Variants in ASXL3 observed in about 807,000 individuals in gnomAD.
The protein encoded by ASXL3 is putative Polycomb group protein ASXL3.
Under a neutral mutation model 170.6 loss-of-function variants are expected in ASXL3, and 34 were observed. That is an observed-to-expected ratio of 0.20 (90% CI 0.15 to 0.27). The LOEUF is 0.27. Ranked by LOEUF, ASXL3 falls within the 10% of genes least tolerant of loss-of-function variation. The probability of loss-of-function intolerance (pLI) is 1.00; values close to 1 mark genes in which losing one functional copy is unlikely to be tolerated. For missense variants in ASXL3, 2,592 were observed against 2,695.3 expected (o/e 0.96, Z 0.85); for synonymous variants, 1,002 against 989.1 (o/e 1.01, Z -0.24).
Position 33,607,631 on chromosome 18 carries a change from A to C in ASXL3, c.92A>C (p.Lys31Thr). 1 of 1,591,052 alleles carries C rather than the reference A, an allele frequency of 6.3e-7. No individual in the cohort carries two copies. The highest frequency in any genetic ancestry group is 8.6e-7 in the Non-Finnish European group (1 of 1,167,898). ...EKHPNSPMTA[K>T]QILEVIQKEG... The stretch of plus-strand genomic sequence containing the variant: ...CACCCCAACTCACCAATGACAGCAA[A>C]GCAGATATTGGAAGTCATTCAGAAA... The change falls in exon 2 of 12, where the codon AAG becomes ACG. Residue 31 changes from lysine to threonine, a missense_variant. Lys to Thr is a moderately conservative substitution (Grantham distance 78). Coordinates refer to ENST00000269197, the MANE Select transcript of ASXL3 (RefSeq NM_030632.3).
chr18:33,596,337 T>C (rs2065126559), intron 1 of ASXL3, among the ~76,000 whole-genome samples: 1 of 152,130 alleles, frequency 6.6e-6, no homozygotes, highest in Non-Finnish European at 1.5e-5. Context: ...TAATGGCAAA[T>C]TTTATTGTAT....
chr18:33,620,673 T>A (rs1356079878), intron 2 of ASXL3, among the ~76,000 whole-genome samples: 1 of 152,188 alleles, frequency 6.6e-6, no homozygotes, highest in Non-Finnish European at 1.5e-5. Flanking sequence ...AAGTTACTTT[T>A]TATAGTACAT....
intron 1 of ASXL3, among the ~76,000 whole-genome samples, chr18:33,601,382 C>T (rs1013493697): frequency 2.0e-5 from 3 of 151,734 alleles, no homozygotes; most frequent in Non-Finnish European, 4.4e-5. Context: ...TCATTTAGTC[C>T]TCACAATATT....
At chr18:33,714,017 G>A (rs6507057) in intron 8 of ASXL3, among the ~76,000 whole-genome samples, 68,660 of 151,950 alleles carry the variant, frequency 0.45, 16,101 homozygotes, top group East Asian at 0.82. Flanking sequence ...TGGCATAAGA[G>A]GTGCTGGCAA....
At chr18:33,733,765 T>A (rs569714501) in intron 9 of ASXL3, among the ~76,000 whole-genome samples, 2 of 152,308 alleles carry the variant, frequency 1.3e-5, no homozygotes, top group East Asian at 1.9e-4. Flanking sequence ...CATAAACATA[T>A]GGATTTGTAT....
rs564126629 is a variant in ASXL3, at chr18:33,713,085, C to T, written c.880-18883C>T. Among the ~76,000 whole-genome samples the T allele has an allele frequency of 2.0e-5, 3 of 151,986 alleles. No homozygotes were observed. The East Asian group carries it at 5.8e-4, about 30-fold the overall frequency. ...TTTGTTGAGAAGTTGGACACAGCCA[C>T]CAGTAACCTCAAGGGAGTCTGGGAA... On this transcript the variant is annotated intron_variant, in intron 8 of 11. Transcript: ENST00000269197.
At chr18:33,637,275 G>C (rs1048205222) in intron 2 of ASXL3, among the ~76,000 whole-genome samples, 3 of 152,070 alleles carry the variant, frequency 2.0e-5, no homozygotes, top group South Asian at 4.1e-4. Context: ...CATGATAGGC[G>C]TTGTTGCTAA....
intron 4 of ASXL3, among the ~76,000 whole-genome samples, chr18:33,650,078 C>G (rs912291345): frequency 3.3e-5 from 5 of 151,876 alleles, no homozygotes; most frequent in Non-Finnish European, 5.9e-5. Context: ...CTTTTTTGCA[C>G]AAAGATGTTT....
intron 7 of ASXL3, among the ~76,000 whole-genome samples, chr18:33,678,550 A>G (rs1288353186): frequency 6.6e-6 from 1 of 152,190 alleles, no homozygotes; most frequent in African/African-American, 2.4e-5. Context: ...CCTTAATGGA[A>G]CACATTCCCC....
chr18:33,698,684 C>T (rs1367311970), intron 8 of ASXL3, among the ~76,000 whole-genome samples: 1 of 152,006 alleles, frequency 6.6e-6, no homozygotes, highest in Non-Finnish European at 1.5e-5. Context: ...ACAGAGGAGA[C>T]AGAAAAGTAA....
At chr18:33,734,082 C>CTTCTAAAGCATTTAGCTTTAGCATTA (rs1410666820) in intron 9 of ASXL3, among the ~76,000 whole-genome samples, 1 of 152,080 alleles carries the variant, frequency 6.6e-6, no homozygotes, top group Non-Finnish European at 1.5e-5. Context: ...CTTTAGCATT[C>CTTCTAAAGCATTTAGCTTTAGCATTA]TTCTAAAGCA....
Position 33,620,148 on chromosome 18 carries a change from G to A in ASXL3, c.137+12472G>A, listed in dbSNP as rs1307955542. On this transcript the variant is annotated intron_variant, in intron 2 of 11. Transcript: ENST00000269197. ...CTTTTTATTTTTATAAAAGACATATGCATAATTGCCAAGCAGGGCATGTTT... is the reference window on the plus strand; with the variant it reads ...CTTTTTATTTTTATAAAAGACATATACATAATTGCCAAGCAGGGCATGTTT... Among the ~76,000 whole-genome samples, 5 of 152,090 alleles carry A rather than the reference G, an allele frequency of 3.3e-5. No homozygotes were observed. The East Asian group carries it at 9.6e-4, about 29-fold the overall frequency.
chr18:33,588,583 C>G (rs1255071850), intron 1 of ASXL3, among the ~76,000 whole-genome samples: 1 of 151,976 alleles, frequency 6.6e-6, no homozygotes, highest in East Asian at 1.9e-4. Flanking sequence ...GCCATTGTTC[C>G]CAGTGTGTCA....
intron 8 of ASXL3, among the ~76,000 whole-genome samples, chr18:33,687,195 T>C (rs1263287261): frequency 6.6e-6 from 1 of 152,212 alleles, no homozygotes; most frequent in Non-Finnish European, 1.5e-5. Flanking sequence ...AGAGCTAGTA[T>C]GCTCTCTTTC....
chr18:33,665,878 T>G (rs1288470988), intron 5 of ASXL3, among the ~76,000 whole-genome samples: 1 of 152,216 alleles, frequency 6.6e-6, no homozygotes, highest in Non-Finnish European at 1.5e-5. Context: ...GATGTGAGTG[T>G]GATATGATCT....
chr18:33,697,026 CA>C (rs2066784473), intron 8 of ASXL3, among the ~76,000 whole-genome samples: 1 of 152,010 alleles, frequency 6.6e-6, no homozygotes, highest in African/African-American at 2.4e-5. Flanking sequence ...TGATGGAAAC[CA>C]TCTCAATATC....
chr18:33,606,847 A>G (rs975175644), intron 1 of ASXL3, among the ~76,000 whole-genome samples: 6 of 151,942 alleles, frequency 3.9e-5, no homozygotes, highest in Non-Finnish European at 8.8e-5. Flanking sequence ...GTCCCTGCAA[A>G]ATAAAGGAAC....
At chr18:33,653,931 A>G (rs900092642) in intron 4 of ASXL3, among the ~76,000 whole-genome samples, 5 of 151,586 alleles carry the variant, frequency 3.3e-5, no homozygotes, top group Admixed American at 3.3e-4. Context: ...TCTCCAAATG[A>G]CTTATCCCAA....
At chr18:33,626,488 T>C (rs1234392735) in intron 2 of ASXL3, 1 of 151,928 alleles carries the variant, frequency 6.6e-6, no homozygotes, top group African/African-American at 2.4e-5. Flanking sequence ...CAGGGGTTAA[T>C]CTGGCATTGC....
Sources: gnomAD v4.1 joint callset for allele counts (sites outside exome capture counted in the v4.1 genomes callset) on GRCh38, gnomAD v4.1.1 for gene constraint, MANE v1.5 for transcripts, NCBI Gene and HGNC (gene_info 2026-07-23, HGNC 2026-07-21) for gene names.